RBMS1: variants seen among roughly 807,000 people sequenced by gnomAD.
The protein encoded by RBMS1 is RNA binding motif single stranded interacting protein 1.
Under a neutral mutation model 62.3 loss-of-function variants are expected in RBMS1, and 17 were observed. The observed-to-expected ratio is 0.27, with a 90% CI of 0.19 to 0.41. The LOEUF is 0.41. RBMS1 is among the 10% of genes least tolerant of loss of function. The pLI, the probability that RBMS1 is intolerant of heterozygous loss-of-function variation, is 1.00. For missense variants in RBMS1, 334 were observed against 504.5 expected, an observed-to-expected ratio of 0.66 and a Z score of 3.24; for synonymous variants, 172 against 170.0, an observed-to-expected ratio of 1.01 and a Z score of -0.09.
At chr2:160,379,096 G>A (rs945334058) in intron 1 of RBMS1, among the ~76,000 whole-genome samples, 2 of 152,058 alleles carry the variant, frequency 1.3e-5, no homozygotes. Flanking sequence ...GTGCATGCCT[G>A]TAGTCCCAGC....
At chr2:160,278,437 A>G (rs1397066852) in intron 11 of RBMS1, 111 bp downstream of exon 11, 2 of 859,058 alleles carry the variant, frequency 2.3e-6, no homozygotes, top group Non-Finnish European at 3.8e-6. Flanking sequence ...AAGAGAGGGG[A>G]TTAGACATAA....
intron 2 of RBMS1, among the ~76,000 whole-genome samples, chr2:160,358,273 G>A (rs1692916624): frequency 6.6e-6 from 1 of 152,066 alleles, no homozygotes. Context: ...CTGGAATACT[G>A]TCCATGATGA....
At chr2:160,293,054 C>T (rs956238633) in intron 6 of RBMS1, among the ~76,000 whole-genome samples, 1 of 152,098 alleles carries the variant, frequency 6.6e-6, no homozygotes, top group Non-Finnish European at 1.5e-5. Context: ...TTTTATGTAC[C>T]GGGTGAGGGA....
At chr2:160,375,062 G>A (rs1049355703) in intron 1 of RBMS1, among the ~76,000 whole-genome samples, 59 of 152,256 alleles carry the variant, frequency 3.9e-4, no homozygotes, top group African/African-American at 1.4e-3. Flanking sequence ...AAATAAGCAG[G>A]TTAGCCTGGA....
At chr2:160,488,795 CTATTTCTATAATATTCTAT>C (rs1467585275) in intron 1 of RBMS1, among the ~76,000 whole-genome samples, 4 of 152,096 alleles carry the variant, frequency 2.6e-5, no homozygotes, top group African/African-American at 9.7e-5. Flanking sequence ...TGACATACTC[CTATTTCTATAATATTCTAT>C]TATTTCTATA....
At chr2:160,282,521 C>A (rs1328203174) in intron 9 of RBMS1, 1 of 312,886 alleles carries the variant, frequency 3.2e-6, no homozygotes, top group African/African-American at 2.2e-5. Flanking sequence ...TCCCTACAGA[C>A]CCTAATTTGG....
At chr2:160,476,745 G>A (rs546155999) in intron 1 of RBMS1, among the ~76,000 whole-genome samples, 4 of 151,582 alleles carry the variant, frequency 2.6e-5, no homozygotes, top group South Asian at 2.1e-4. Flanking sequence ...CAGTAGAGAC[G>A]GGGTTTCACC....
chr2:160,344,394 G>A (rs915065176), intron 2 of RBMS1, among the ~76,000 whole-genome samples: 1 of 152,074 alleles, frequency 6.6e-6, no homozygotes, highest in South Asian at 2.1e-4. Context: ...GGCAGAAGAT[G>A]GGCAAATATA....
intron 1 of RBMS1, among the ~76,000 whole-genome samples, chr2:160,484,969 C>A (rs1203524533): frequency 6.6e-6 from 1 of 151,942 alleles, no homozygotes; most frequent in Non-Finnish European, 1.5e-5. Flanking sequence ...TTTTTGTTTC[C>A]TTCTGGTTGC....
intron 1 of RBMS1, among the ~76,000 whole-genome samples, chr2:160,414,143 ACATTGAATTT>A (rs1321559419): frequency 6.6e-6 from 1 of 152,214 alleles, no homozygotes; most frequent in Non-Finnish European, 1.5e-5. Flanking sequence ...ATGTGGATTT[ACATTGAATTT>A]CCATTCCACT....
intron 1 of RBMS1, among the ~76,000 whole-genome samples, chr2:160,431,568 C>A (rs1448865948): frequency 6.6e-6 from 1 of 151,766 alleles, no homozygotes; most frequent in African/African-American, 2.4e-5. Flanking sequence ...GGCTAAAGAA[C>A]CAAATCTTTC....
chr2:160,307,614 A>G (rs929131952), intron 4 of RBMS1, among the ~76,000 whole-genome samples: 19 of 152,270 alleles, frequency 1.2e-4, no homozygotes, highest in African/African-American at 4.3e-4. Flanking sequence ...TAACATAAAC[A>G]GGTTTTCCAA....
At chr2:160,437,948 A>C (rs982647896) in intron 1 of RBMS1, among the ~76,000 whole-genome samples, 1 of 45,758 alleles carries the variant, frequency 2.2e-5, no homozygotes, top group African/African-American at 6.3e-5. Context: ...AAGGCAGGAG[A>C]ATCACCTTGT....
intron 1 of RBMS1, among the ~76,000 whole-genome samples, chr2:160,382,647 C>T (rs997253085): frequency 2.0e-5 from 3 of 152,110 alleles, no homozygotes; most frequent in African/African-American, 4.8e-5. Context: ...TCATTCTTTC[C>T]AGGATTTGCT....
chr2:160,387,088 A>G (rs1401636217), intron 1 of RBMS1, among the ~76,000 whole-genome samples: 1 of 152,138 alleles, frequency 6.6e-6, no homozygotes, highest in African/African-American at 2.4e-5. Context: ...ATCACAGGAC[A>G]CTGTCTGTTT....
intron 1 of RBMS1, among the ~76,000 whole-genome samples, chr2:160,483,431 C>T (rs921698952): frequency 6.6e-6 from 1 of 152,144 alleles, no homozygotes; most frequent in Non-Finnish European, 1.5e-5. Flanking sequence ...TACATCATGT[C>T]TATGGTTCCA....
At chr2:160,389,932 T>C (rs962573009) in intron 1 of RBMS1, among the ~76,000 whole-genome samples, 6 of 152,028 alleles carry the variant, frequency 3.9e-5, no homozygotes, top group African/African-American at 7.3e-5. Context: ...AAAACATATG[T>C]ACATCTTTAA....
chr2:160,364,140 G>C (rs992485136), intron 2 of RBMS1, among the ~76,000 whole-genome samples: 7 of 152,308 alleles, frequency 4.6e-5, no homozygotes, highest in African/African-American at 1.4e-4. Flanking sequence ...CAGAGTGTTT[G>C]TTTGGCTTGA....
At chr2:160,463,186 T>A (rs1255775652) in intron 1 of RBMS1, among the ~76,000 whole-genome samples, 7 of 152,102 alleles carry the variant, frequency 4.6e-5, no homozygotes, top group Non-Finnish European at 1.0e-4. Flanking sequence ...AGTTTTCACA[T>A]AAAAGAAATG....
Sources: gnomAD v4.1 joint callset for allele counts (sites outside exome capture counted in the v4.1 genomes callset) on GRCh38, gnomAD v4.1.1 for gene constraint, MANE v1.5 for transcripts, NCBI Gene and HGNC (gene_info 2026-07-23, HGNC 2026-07-21) for gene names.